The following STK32B variants were observed in gnomAD, a reference collection of about 807,000 sequenced individuals.
STK32B encodes the protein serine/threonine-protein kinase 32B.
Under a neutral mutation model 52.6 loss-of-function variants are expected in STK32B, and 43 were observed. The ratio of observed to expected loss-of-function variants is 0.82; its 90% CI spans 0.64 to 1.05. STK32B has a LOEUF of 1.05. STK32B is among the 50% of genes least tolerant of loss of function. The probability of loss-of-function intolerance (pLI) is 0.00; values close to 1 mark genes in which losing one functional copy is unlikely to be tolerated. For missense variants in STK32B, 621 were observed against 534.6 expected, an observed-to-expected ratio of 1.16 and a Z score of -1.59; for synonymous variants, 238 against 204.3, an observed-to-expected ratio of 1.17 and a Z score of -1.41.
chr4:5,025,200 G>A, the STK32B span, among the ~76,000 whole-genome samples: 3 of 152,122 alleles, frequency 2.0e-5, no homozygotes, highest in African/African-American at 7.2e-5. Flanking sequence ...CCCCTCCGCC[G>A]TGGTCCATAG....
intron 3 of STK32B, among the ~76,000 whole-genome samples, chr4:5,274,679 C>G (rs1000626820): frequency 6.6e-6 from 1 of 152,218 alleles, no homozygotes; most frequent in Non-Finnish European, 1.5e-5. Context: ...AGCAGCGACC[C>G]TCTTTGGGTC....
At chr4:5,159,372 T>C (rs1024070462) in intron 2 of STK32B, among the ~76,000 whole-genome samples, 1 of 151,600 alleles carries the variant, frequency 6.6e-6, no homozygotes, top group African/African-American at 2.4e-5. Flanking sequence ...ACTGAGGTAC[T>C]GAATTCTGAT....
At chr4:5,301,825 G>C (rs114309769) in intron 3 of STK32B, among the ~76,000 whole-genome samples, 1 of 136,102 alleles carries the variant, frequency 7.3e-6, no homozygotes, top group East Asian at 2.1e-4. Flanking sequence ...CATTTCCTTC[G>C]TTTGGGTTTA....
Position 5,149,254 on chromosome 4 carries a change from A to G in STK32B, c.108+9294A>G, listed in dbSNP as rs531995445. Among the ~76,000 whole-genome samples, 6 of 151,892 alleles carry G rather than the reference A, an allele frequency of 4.0e-5. No individual in the cohort carries two copies. The South Asian group carries it at 6.2e-4, about 16-fold the overall frequency. On this transcript the variant is annotated intron_variant, in intron 2 of 11. Transcript: ENST00000282908. ...TATTTAACATTAATTTCTTGAGGACAGCGTATAGTTAGGTCTTGCTTTAAA... is the reference window on the plus strand; with the variant it reads ...TATTTAACATTAATTTCTTGAGGACGGCGTATAGTTAGGTCTTGCTTTAAA...
intron 1 of STK32B, among the ~76,000 whole-genome samples, chr4:5,131,874 A>G (rs1031529712): frequency 8.5e-5 from 13 of 152,244 alleles, no homozygotes; most frequent in African/African-American, 2.9e-4. Flanking sequence ...CTCCTCAAAT[A>G]TAACTGTGTC....
At chr4:5,025,731 C>G in the STK32B span, among the ~76,000 whole-genome samples, 3 of 152,212 alleles carry the variant, frequency 2.0e-5, no homozygotes, top group Admixed American at 2.0e-4. Flanking sequence ...CACTCAAATC[C>G]TTGTCTCAGA....
chr4:5,298,219 C>G (rs1021651042), intron 3 of STK32B, among the ~76,000 whole-genome samples: 5 of 152,160 alleles, frequency 3.3e-5, no homozygotes, highest in African/African-American at 9.6e-5. Context: ...AGGTGTCTGT[C>G]GACCCCTGCT....
At chr4:5,433,647 A>C (rs1713781902) in intron 6 of STK32B, among the ~76,000 whole-genome samples, 1 of 152,232 alleles carries the variant, frequency 6.6e-6, no homozygotes, top group Admixed American at 6.5e-5. Flanking sequence ...CTGTGTTCCC[A>C]GTCAAGAAGA....
the STK32B span, among the ~76,000 whole-genome samples, chr4:5,035,654 G>A: frequency 1.8e-4 from 27 of 152,178 alleles, 1 homozygote; most frequent in Admixed American, 1.1e-3. Context: ...GAGGCTGGGC[G>A]ATGGACTTCC....
At chr4:5,074,150 C>G (rs780359577) in intron 1 of STK32B, among the ~76,000 whole-genome samples, 1 of 151,230 alleles carries the variant, frequency 6.6e-6, no homozygotes, top group Non-Finnish European at 1.5e-5. Flanking sequence ...TAGCATTCCA[C>G]AGACTACCGG....
intron 7 of STK32B, among the ~76,000 whole-genome samples, chr4:5,450,397 A>C (rs1338143293): frequency 6.6e-6 from 1 of 152,100 alleles, no homozygotes; most frequent in Admixed American, 6.5e-5. Flanking sequence ...ACAAACCTCA[A>C]AGTCTCTCTG....
In STK32B at chr4:5,464,296, C is replaced by T. The variant is rs3774815; in HGVS notation, c.910-2407C>T. ...TGCAGGGGACAGGCAAGTTATGTCA[C>T]CTTCTGAAGGAAAGACAAGCCCAAG... On this transcript the variant is annotated intron_variant, in intron 9 of 11. Coordinates refer to ENST00000282908, the MANE Select transcript of STK32B (RefSeq NM_018401.3). Among the ~76,000 whole-genome samples the T allele has an allele frequency of 4.5e-3, 685 of 152,352 alleles. 14 individuals are homozygous for T. Among genetic ancestry groups the T allele is most frequent in the Admixed American group, 0.036 (550 of 15,306 alleles).
chr4:5,204,936 T>C (rs1469938330), intron 3 of STK32B, among the ~76,000 whole-genome samples: 4 of 152,182 alleles, frequency 2.6e-5, no homozygotes, highest in Admixed American at 6.5e-5. Flanking sequence ...GGCAAAATCA[T>C]TTCTGGGTGT....
chr4:5,268,595 T>C (rs1727211195), intron 3 of STK32B, among the ~76,000 whole-genome samples: 1 of 151,580 alleles, frequency 6.6e-6, no homozygotes, highest in Non-Finnish European at 1.5e-5. Context: ...ATAGCAAATA[T>C]ATATGCTTTA....
chr4:5,099,770 C>A (rs1335091138), intron 1 of STK32B, among the ~76,000 whole-genome samples: 1 of 152,120 alleles, frequency 6.6e-6, no homozygotes, highest in Non-Finnish European at 1.5e-5. Context: ...GCTCGGCTGC[C>A]TTCTAGGGAC....
intron 3 of STK32B, among the ~76,000 whole-genome samples, chr4:5,186,823 T>C (rs1395691426): frequency 6.6e-6 from 1 of 152,216 alleles, no homozygotes; most frequent in Non-Finnish European, 1.5e-5. Context: ...CCAGCATTTG[T>C]AGCACCATGG....
chr4:5,466,952 AT>A lies in STK32B; in HGVS notation c.1041+122del, dbSNP rs1717488313. 2.2e-6 allele frequency: 3 copies of A among 1,334,082 alleles called. 1 individual carries two copies. In the South Asian group the frequency reaches 4.8e-5, roughly 21 times the overall value. 82.6% of individuals were successfully genotyped at this position (1,334,082 alleles called of 1,614,324 possible). A position where few individuals can be genotyped will look rare whatever the true frequency, so the allele number is the denominator to read the frequency against. The stretch of plus-strand genomic sequence containing the variant: ...TTCAATCCTCCCTTCCAATTTCCTT[AT>A]TTTGCAGTAAATAAAATGCTACTAT... On this transcript the variant is annotated intron_variant, in intron 10 of 11. Coordinates refer to ENST00000282908, the MANE Select transcript of STK32B (RefSeq NM_018401.3).
Position 5,316,237 on chromosome 4 carries a change from TTATATATTG to T in STK32B, c.261-14975_261-14967del, listed in dbSNP as rs1730699292. ...TACATAATATATTATATATACAATA[TTATATATTG>T]TATATATAATATATTATATAGTATA... On this transcript the variant is annotated intron_variant, in intron 3 of 11. Transcript: ENST00000282908. 5.7e-5 allele frequency among the ~76,000 whole-genome samples: 4 copies of T among 70,080 alleles called. 2 individuals carry two copies. The highest frequency in any genetic ancestry group is 3.6e-4 in the African/African-American group (4 of 11,092). The allele number at this position is 70,080 out of a possible 152,430, so 46.0% of individuals were successfully genotyped here.
At chr4:5,406,135 A>T (rs929715525) in intron 5 of STK32B, among the ~76,000 whole-genome samples, 2 of 152,190 alleles carry the variant, frequency 1.3e-5, no homozygotes, top group African/African-American at 4.8e-5. Flanking sequence ...AAGGAGCCTC[A>T]TGCAAGTCCA....
Sources: gnomAD v4.1 joint callset for allele counts (sites outside exome capture counted in the v4.1 genomes callset) on GRCh38, gnomAD v4.1.1 for gene constraint, MANE v1.5 for transcripts, NCBI Gene and HGNC (gene_info 2026-07-23, HGNC 2026-07-21) for gene names.